ATP1B1: variants seen among roughly 807,000 people sequenced by gnomAD.
ATP1B1 encodes ATPase Na+/K+ transporting subunit beta 1.
In ATP1B1, 3 loss-of-function variants were observed where a neutral mutation model predicts 39.6. That is an observed-to-expected ratio of 0.08 (90% CI 0.03 to 0.20). The LOEUF (loss-of-function observed/expected upper bound fraction) is 0.20, where lower values mean the gene tolerates loss of function less well. Among genes scored for constraint, ATP1B1 ranks in the 10% least tolerant of loss-of-function variants. The probability of loss-of-function intolerance (pLI) is 1.00; values close to 1 mark genes in which losing one functional copy is unlikely to be tolerated. For synonymous variants in ATP1B1, 139 were observed against 135.0 expected (o/e 1.03, Z -0.20); for missense variants, 216 against 371.1 (o/e 0.58, Z 3.43).
At position 169,106,942 on chromosome 1, in the gene ATP1B1, G is replaced by A. The variant is rs1317141886; in HGVS notation, c.97+16G>A. ...GGCAGTTGGTGTAAGTACGGGGTCC[G>A]CAGCTCCCGGCCGCCGCGTCTGATC... On this transcript the variant is annotated intron_variant, in intron 1 of 5. Transcript: ENST00000367815. 1.9e-6 allele frequency: 3 copies of A among 1,564,876 alleles called. No homozygotes were observed. The highest frequency in any genetic ancestry group is 2.6e-6 in the Non-Finnish European group (3 of 1,157,112).
At chr1:169,122,161 G>T (rs1381357048) in intron 2 of ATP1B1, among the ~76,000 whole-genome samples, 1 of 152,132 alleles carries the variant, frequency 6.6e-6, no homozygotes, top group Non-Finnish European at 1.5e-5. Context: ...CTCTCTCTCT[G>T]GCTGCCTATG....
intron 2 of ATP1B1, among the ~76,000 whole-genome samples, chr1:169,122,960 T>G (rs144832888): frequency 6.6e-6 from 1 of 152,256 alleles, no homozygotes; most frequent in African/African-American, 2.4e-5. Flanking sequence ...AGTGATTACT[T>G]GTCTTCCTCT....
In ATP1B1 at chr1:169,111,327, C is replaced by T. The variant is rs760548293; in HGVS notation, c.98-43C>T. 23 of 1,611,160 alleles carry T rather than the reference C, an allele frequency of 1.4e-5. No homozygotes were observed. In the South Asian group the frequency reaches 2.3e-4, roughly 16 times the overall value. ...GGGAAGATTAAACTTTCATTCTGAG[C>T]ATATGACTGCATCACAGCTTTTTGT... On this transcript the variant is annotated intron_variant, in intron 1 of 5. Transcript: ENST00000367815.
chr1:169,108,213 A>G (rs1479898334), intron 1 of ATP1B1: 1 of 152,174 alleles, frequency 6.6e-6, no homozygotes, highest in Non-Finnish European at 1.5e-5. Context: ...AAGCATAGGT[A>G]TCCCTGAGCC....
intron 2 of ATP1B1, among the ~76,000 whole-genome samples, chr1:169,117,939 C>A (rs555933779): frequency 6.6e-6 from 1 of 152,288 alleles, no homozygotes; most frequent in African/African-American, 2.4e-5. Context: ...TGTTTTATAT[C>A]TAGATAAGTC....
intron 1 of ATP1B1, among the ~76,000 whole-genome samples, chr1:169,107,708 T>C (rs980609103): frequency 2.0e-5 from 3 of 152,116 alleles, no homozygotes; most frequent in Non-Finnish European, 4.4e-5. Context: ...GGATAGACTT[T>C]TTTCCATCGA....
In ATP1B1 at chr1:169,131,608, A is replaced by G; in HGVS notation, c.*53A>G. 1.9e-6 allele frequency: 3 copies of G among 1,554,832 alleles called. No individual in the cohort carries two copies. The highest frequency in any genetic ancestry group is 2.6e-6 in the Non-Finnish European group (3 of 1,154,796). ...CATTTAATAAGTTAAAAAAAGATAC[A>G]AAAACAAAAACCTACTAGTCTTGAA... On this transcript the variant is annotated 3_prime_UTR_variant, in exon 6 of 6. Coordinates refer to ENST00000367815, the MANE Select transcript of ATP1B1 (RefSeq NM_001677.4). The surrounding 1 kb of genome is among the most constrained non-coding windows in gnomAD (Gnocchi z 4.4).
intron 1 of ATP1B1, among the ~76,000 whole-genome samples, chr1:169,108,692 C>T (rs1029019695): frequency 4.6e-5 from 7 of 152,176 alleles, no homozygotes; most frequent in African/African-American, 1.4e-4. Flanking sequence ...TGGGCAGCAC[C>T]TCCATGAGAG....
At chr1:169,122,829 G>A (rs1408645396) in intron 2 of ATP1B1, among the ~76,000 whole-genome samples, 4 of 143,872 alleles carry the variant, frequency 2.8e-5, no homozygotes, top group African/African-American at 7.6e-5. Context: ...GGGCTCAAGC[G>A]ATCCTTCCAT....
chr1:169,113,900 C>T (rs1176058781), intron 2 of ATP1B1, among the ~76,000 whole-genome samples: 1 of 152,198 alleles, frequency 6.6e-6, no homozygotes, highest in Non-Finnish European at 1.5e-5. Context: ...CTCATCCCTT[C>T]CCCCATCACC....
In ATP1B1 at chr1:169,124,989, A is replaced by G. The variant is rs932420338; in HGVS notation, c.332A>G (p.Lys111Arg). 8 of 1,614,066 alleles carry G rather than the reference A, an allele frequency of 5.0e-6. No individual in the cohort carries two copies. Among genetic ancestry groups the G allele is most frequent in the Middle Eastern group, 1.7e-4 (1 of 6,060 alleles). Residue 111 changes from lysine to arginine, a missense_variant, in exon 3 of 6, where the codon AAG (lysine) becomes AGG (arginine). By Grantham distance (26) the Lys-to-Arg change is conservative. Coordinates refer to ENST00000367815, the MANE Select transcript of ATP1B1 (RefSeq NM_001677.4). ...YVLNIVRFLE[K>R]YKDSAQRDDM... ...CTGAACATAGTTAGGTTCCTGGAAA[A>G]GTACAAAGATTCAGCCCAGAGGGAT...
intron 3 of ATP1B1, among the ~76,000 whole-genome samples, chr1:169,126,853 G>A (rs1310596079): frequency 3.3e-5 from 5 of 152,194 alleles, no homozygotes; most frequent in Admixed American, 3.3e-4. Context: ...AGCTAAGCCA[G>A]TGTTGACAGT....
Position 169,125,764 on chromosome 1 carries a change from A to G in ATP1B1, c.382+725A>G, listed in dbSNP as rs544125545. On this transcript the variant is annotated intron_variant, in intron 3 of 5. Coordinates refer to ENST00000367815, the MANE Select transcript of ATP1B1 (RefSeq NM_001677.4). ...TGAGGAGGGAGGATTGCTTGAGCCT[A>G]GGAGTTCGAGACCAACCTGGGCAAC... Among the ~76,000 whole-genome samples, 5 of 152,200 alleles carry G rather than the reference A, an allele frequency of 3.3e-5. No individual in the cohort carries two copies. The South Asian group carries it at 1.0e-3, about 32-fold the overall frequency.
chr1:169,126,524 C>T (rs1658089041), intron 3 of ATP1B1, among the ~76,000 whole-genome samples: 1 of 151,988 alleles, frequency 6.6e-6, no homozygotes, highest in Non-Finnish European at 1.5e-5. Flanking sequence ...AAAGCCTGGG[C>T]AACACAGCAA....
chr1:169,112,403 A>G lies in ATP1B1; in HGVS notation c.226+905A>G, dbSNP rs1657747033. The stretch of plus-strand genomic sequence containing the variant: ...AAAAATCATTGTCTGGAGGACCTAG[A>G]GAGAAAGTGTTGCATAACTTCCGGG... On this transcript the variant is annotated intron_variant, in intron 2 of 5. Coordinates refer to ENST00000367815, the MANE Select transcript of ATP1B1 (RefSeq NM_001677.4). 2.0e-5 allele frequency among the ~76,000 whole-genome samples: 3 copies of G among 152,240 alleles called. No individual in the cohort carries two copies. The South Asian group carries it at 6.2e-4, about 32-fold the overall frequency.
rs944819028 is a variant in ATP1B1 at position 169,131,647 on chromosome 1, G to T, written c.*92G>T. 2 of 1,391,706 alleles carry T rather than the reference G, an allele frequency of 1.4e-6. No homozygotes were observed. Among genetic ancestry groups the T allele is most frequent in the Non-Finnish European group, 1.9e-6 (2 of 1,026,428 alleles). 86.2% of individuals were successfully genotyped at this position (1,391,706 alleles called of 1,614,324 possible). A position where few individuals can be genotyped will look rare whatever the true frequency, so the allele number is the denominator to read the frequency against. The stretch of plus-strand genomic sequence containing the variant: ...ACTAGTCTTGAACAAACTGTCATAC[G>T]TATGGGACCTACACTTAATCTATAT... On this transcript the variant is annotated 3_prime_UTR_variant, in exon 6 of 6. Coordinates refer to ENST00000367815, the MANE Select transcript of ATP1B1 (RefSeq NM_001677.4). This position sits in a 1 kb window ranked among gnomAD's most constrained non-coding sequence, Gnocchi z 4.4.
chr1:169,111,338 A>G lies in ATP1B1; in HGVS notation c.98-32A>G, dbSNP rs1395475018. The G allele has an allele frequency of 2.5e-6, 4 of 1,613,104 alleles. No individual in the cohort carries two copies. The African/African-American group carries it at 5.3e-5, about 22-fold the overall frequency. On this transcript the variant is annotated intron_variant, in intron 1 of 5. Transcript: ENST00000367815. ...ACTTTCATTCTGAGCATATGACTGCATCACAGCTTTTTGTTTCTGTTCTTC... is the reference window on the plus strand; with the variant it reads ...ACTTTCATTCTGAGCATATGACTGCGTCACAGCTTTTTGTTTCTGTTCTTC...
chr1:169,131,224 T>C lies in ATP1B1; in HGVS notation c.649-68T>C. On this transcript the variant is annotated intron_variant, in intron 5 of 5. Coordinates refer to ENST00000367815, the MANE Select transcript of ATP1B1 (RefSeq NM_001677.4). This position sits in a 1 kb window ranked among gnomAD's most constrained non-coding sequence, Gnocchi z 4.4. ...TGCAAACTACTGTGTAGATTGAGTCTTGTTTTTGAGTACACATAGTGATGC... is the reference window on the plus strand; with the variant it reads ...TGCAAACTACTGTGTAGATTGAGTCCTGTTTTTGAGTACACATAGTGATGC... 1 of 1,517,030 alleles carries C rather than the reference T, an allele frequency of 6.6e-7. No homozygotes were observed. Among genetic ancestry groups the C allele is most frequent in the Non-Finnish European group, 8.9e-7 (1 of 1,125,290 alleles). The allele number at this position is 1,517,030 out of a possible 1,614,324, so 94.0% of individuals were successfully genotyped here. A position where few individuals can be genotyped will look rare whatever the true frequency, so the allele number is the denominator to read the frequency against.
chr1:169,111,517 G>T lies in ATP1B1; in HGVS notation c.226+19G>T. 1 of 1,609,658 alleles carries T rather than the reference G, an allele frequency of 6.2e-7. No homozygotes were observed. The highest frequency in any genetic ancestry group is 8.5e-7 in the Non-Finnish European group (1 of 1,177,676). On this transcript the variant is annotated intron_variant, in intron 2 of 5. Transcript: ENST00000367815. ...CCGCCAGGTAAAATCCACATGAATA[G>T]CTTCATTTCCTTCAGAGATAGCATG...
Sources: gnomAD v4.1 joint callset for allele counts (sites outside exome capture counted in the v4.1 genomes callset) on GRCh38, gnomAD v4.1.1 for gene constraint, Gnocchi (gnomAD v3.1) non-coding constraint, MANE v1.5 for transcripts, NCBI Gene and HGNC (gene_info 2026-07-23, HGNC 2026-07-21) for gene names.